Variants in KCNB2 observed in about 807,000 individuals in gnomAD.
KCNB2 encodes potassium voltage-gated channel subfamily B member 2, also known as delayed rectifier potassium channel protein.
Under a neutral mutation model 61.5 loss-of-function variants are expected in KCNB2, and 15 were observed. That is an observed-to-expected ratio of 0.24 (90% confidence interval 0.16 to 0.38). The LOEUF is 0.38. Among genes scored for constraint, KCNB2 ranks in the 10% least tolerant of loss-of-function variants. KCNB2 has a pLI of 1.00. For missense variants in KCNB2, 828 were observed against 1,125.2 expected (o/e 0.74, Z 3.78); for synonymous variants, 457 against 446.0 (o/e 1.02, Z -0.31).
chr8:72,654,515 A>G (rs1806260790), intron 2 of KCNB2, among the ~76,000 whole-genome samples: 1 of 152,208 alleles, frequency 6.6e-6, no homozygotes, highest in Non-Finnish European at 1.5e-5. Context: ...TACAATATAA[A>G]AAGAAGTGCT....
At chr8:72,755,108 A>C (rs909408014) in intron 2 of KCNB2, among the ~76,000 whole-genome samples, 4 of 152,174 alleles carry the variant, frequency 2.6e-5, no homozygotes, top group Admixed American at 1.3e-4. Context: ...AATTAGAAAA[A>C]CATGAAACAG....
chr8:72,745,382 C>T (rs1343795115), intron 2 of KCNB2, among the ~76,000 whole-genome samples: 1 of 152,050 alleles, frequency 6.6e-6, no homozygotes, highest in African/African-American at 2.4e-5. Flanking sequence ...AAATTCAGAG[C>T]CCCAGAGCCA....
intron 2 of KCNB2, among the ~76,000 whole-genome samples, chr8:72,789,830 G>C (rs1404627174): frequency 6.6e-6 from 1 of 152,052 alleles, no homozygotes; most frequent in East Asian, 1.9e-4. Context: ...CACTATAGTA[G>C]GCCAAGCAGG....
At chr8:72,872,477 A>G (rs1805635367) in intron 2 of KCNB2, among the ~76,000 whole-genome samples, 1 of 152,036 alleles carries the variant, frequency 6.6e-6, no homozygotes, top group African/African-American at 2.4e-5. Flanking sequence ...GAGTCCCTGG[A>G]TAGTTGTTTG....
intron 2 of KCNB2, among the ~76,000 whole-genome samples, chr8:72,696,436 A>G (rs1807019860): frequency 6.6e-6 from 1 of 152,182 alleles, no homozygotes; most frequent in Non-Finnish European, 1.5e-5. Context: ...CCAGAAAAAT[A>G]TAACTCCCAT....
rs550560884 is a variant in KCNB2, at chr8:72,603,792, C to T, written c.579+35479C>T. Among the ~76,000 whole-genome samples the T allele has an allele frequency of 1.2e-4, 19 of 152,164 alleles. No individual in the cohort carries two copies. In the East Asian group the frequency reaches 2.9e-3, roughly 23 times the overall value. On this transcript the variant is annotated intron_variant, in intron 2 of 2. Transcript: ENST00000523207. Reference sequence around the variant, plus strand: ...GGTGGCCTCTTACTCCAAACTTGCTCGTATCCTTATAAGAAAAAAATTCAG... The same window carrying T: ...GGTGGCCTCTTACTCCAAACTTGCTTGTATCCTTATAAGAAAAAAATTCAG...
chr8:72,563,922 A>T (rs1806584066), intron 1 of KCNB2, among the ~76,000 whole-genome samples: 1 of 152,222 alleles, frequency 6.6e-6, no homozygotes, highest in African/African-American at 2.4e-5. Context: ...GGTAACAATA[A>T]TAAGAGCAGA....
At chr8:72,569,217 A>G (rs1201959057) in intron 2 of KCNB2, among the ~76,000 whole-genome samples, 2 of 152,202 alleles carry the variant, frequency 1.3e-5, no homozygotes, top group East Asian at 1.9e-4. Context: ...GGAGTATAGT[A>G]TTGACATTTT....
intron 2 of KCNB2, among the ~76,000 whole-genome samples, chr8:72,741,806 C>G (rs1807965251): frequency 6.6e-6 from 1 of 152,080 alleles, no homozygotes; most frequent in African/African-American, 2.4e-5. Context: ...CTTACTCTTG[C>G]AAAAATGGCC....
intron 2 of KCNB2, among the ~76,000 whole-genome samples, chr8:72,853,561 G>T (rs1330275781): frequency 6.6e-6 from 1 of 152,110 alleles, no homozygotes; most frequent in Non-Finnish European, 1.5e-5. Flanking sequence ...CTAATGTCTA[G>T]GCCTCAATTT....
At chr8:72,895,028 A>C (rs1342701494) in intron 2 of KCNB2, among the ~76,000 whole-genome samples, 1 of 152,168 alleles carries the variant, frequency 6.6e-6, no homozygotes, top group Non-Finnish European at 1.5e-5. Context: ...GGCCCTTAGA[A>C]AATGGTTGGG....
At chr8:72,830,344 C>T (rs896061217) in intron 2 of KCNB2, among the ~76,000 whole-genome samples, 1 of 151,818 alleles carries the variant, frequency 6.6e-6, no homozygotes, top group South Asian at 2.1e-4. Context: ...GAAATGTGCT[C>T]ACTTACCCAC....
intron 2 of KCNB2, among the ~76,000 whole-genome samples, chr8:72,603,988 G>A (rs185925556): frequency 4.0e-4 from 61 of 152,220 alleles, no homozygotes; most frequent in South Asian, 6.2e-4. Context: ...GAGAAAGCTT[G>A]GCCCTGCTGA....
Position 72,660,187 on chromosome 8 carries a change from G to T in KCNB2, c.579+91874G>T, listed in dbSNP as rs561319101. ...CTCTTGCTGTGGTTCTAGACCTTCAGAAGGATGCTTGTTAAAGGAGAATGA... is the reference window on the plus strand; with the variant it reads ...CTCTTGCTGTGGTTCTAGACCTTCATAAGGATGCTTGTTAAAGGAGAATGA... On this transcript the variant is annotated intron_variant, in intron 2 of 2. Transcript: ENST00000523207. Among the ~76,000 whole-genome samples, 37 of 152,308 alleles carry T rather than the reference G, an allele frequency of 2.4e-4. 2 individuals carry two copies. In the South Asian group the frequency reaches 7.5e-3, roughly 31 times the overall value.
intron 2 of KCNB2, among the ~76,000 whole-genome samples, chr8:72,841,361 CTTTTTTTTTTCTTTTTTTTTT>C (rs1219878545): frequency 4.5e-5 from 3 of 66,192 alleles, no homozygotes; most frequent in African/African-American, 1.6e-4. Context: ...GTTTTCTTTT[CTTTTTTTTTTCTTTTTTTTTT>C]TTTTTTTTGC....
chr8:72,839,909 A>G (rs1176579871), intron 2 of KCNB2, among the ~76,000 whole-genome samples: 3 of 148,582 alleles, frequency 2.0e-5, no homozygotes, highest in Non-Finnish European at 4.5e-5. Context: ...CACCGTGCCC[A>G]GCCTTTTTTT....
intron 2 of KCNB2, among the ~76,000 whole-genome samples, chr8:72,572,168 A>G (rs1397349473): frequency 6.6e-6 from 1 of 152,166 alleles, no homozygotes; most frequent in East Asian, 1.9e-4. Context: ...GAAGGTCAAG[A>G]ACAAAGGAAA....
chr8:72,557,735 A>G (rs1026459195), intron 1 of KCNB2, among the ~76,000 whole-genome samples: 1 of 152,178 alleles, frequency 6.6e-6, no homozygotes, highest in Non-Finnish European at 1.5e-5. Context: ...CATACCTGAC[A>G]GGTGATCACC....
intron 2 of KCNB2, among the ~76,000 whole-genome samples, chr8:72,865,700 C>T (rs1181888440): frequency 1.3e-5 from 2 of 152,168 alleles, no homozygotes; most frequent in Non-Finnish European, 2.9e-5. Context: ...ACACACTAAA[C>T]TCTTTCATGC....
Sources: allele counts gnomAD v4.1 joint callset (sites outside exome capture counted in the v4.1 genomes callset), GRCh38; gene constraint gnomAD v4.1.1; transcripts MANE v1.5; gene names NCBI Gene and HGNC (gene_info 2026-07-23, HGNC 2026-07-21).